Variants in GAS2 observed in about 807,000 individuals in gnomAD.
GAS2 encodes growth arrest specific 2.
A neutral mutation model predicts 37.5 loss-of-function variants in GAS2; 20 were observed. The observed-to-expected ratio is 0.53, with a 90% CI of 0.37 to 0.77. The LOEUF is 0.77. GAS2 is among the 30% of genes least tolerant of loss of function. The probability of loss-of-function intolerance (pLI) is 0.00; values close to 1 mark genes in which losing one functional copy is unlikely to be tolerated. For missense variants in GAS2, 336 were observed against 373.4 expected (o/e 0.90, Z 0.82); for synonymous variants, 144 against 132.2 (o/e 1.09, Z -0.61).
chr11:22,773,539 G>A (rs1159123954), intron 7 of GAS2, among the ~76,000 whole-genome samples: 3 of 151,502 alleles, frequency 2.0e-5, no homozygotes, highest in South Asian at 2.1e-4. Flanking sequence ...GACTGCAGGC[G>A]CCCGCCACCA....
At chr11:22,811,632 G>A (rs956537484) in intron 7 of GAS2, among the ~76,000 whole-genome samples, 166 bp from the exon 8 acceptor site, 1 of 152,010 alleles carries the variant, frequency 6.6e-6, no homozygotes, top group African/African-American at 2.4e-5. Flanking sequence ...AAAAAAACAG[G>A]ACTTCTTTCA....
intron 3 of GAS2, among the ~76,000 whole-genome samples, chr11:22,688,718 A>G (rs1169350354): frequency 6.6e-6 from 1 of 152,196 alleles, no homozygotes; most frequent in African/African-American, 2.4e-5. Context: ...TTAACTGAAT[A>G]TAAAGCTAAA....
At chr11:22,646,084 C>T (rs1445960325) in intron 1 of GAS2, among the ~76,000 whole-genome samples, 1 of 152,030 alleles carries the variant, frequency 6.6e-6, no homozygotes, top group East Asian at 1.9e-4. Context: ...CTCAGGTAAT[C>T]CAACTGTCTC....
intron 6 of GAS2, among the ~76,000 whole-genome samples, chr11:22,749,858 A>G (rs1402053033): frequency 6.6e-6 from 1 of 152,066 alleles, no homozygotes; most frequent in African/African-American, 2.4e-5. Flanking sequence ...AAATGTTTTA[A>G]CAGAATCACA....
At chr11:22,782,260 C>T (rs917049613) in intron 7 of GAS2, among the ~76,000 whole-genome samples, 6 of 152,074 alleles carry the variant, frequency 3.9e-5, no homozygotes, top group Non-Finnish European at 7.4e-5. Context: ...AGGACAGCCT[C>T]TTAATGATGG....
intron 7 of GAS2, among the ~76,000 whole-genome samples, chr11:22,784,674 C>G (rs1051005433): frequency 1.3e-5 from 2 of 152,104 alleles, no homozygotes; most frequent in Admixed American, 6.6e-5. Flanking sequence ...TGTATATGCT[C>G]CAAGATGACT....
rs12276311 is a variant in GAS2 at position 22,803,079 on chromosome 11, G to A, written c.724-8719G>A. Among the ~76,000 whole-genome samples the A allele has an allele frequency of 2.9e-3, 435 of 152,148 alleles. 2 individuals carry two copies. The highest frequency in any genetic ancestry group is 9.8e-3 in the African/African-American group (407 of 41,518). On this transcript the variant is annotated intron_variant, in intron 7 of 7. Coordinates refer to ENST00000454584, the MANE Select transcript of GAS2 (RefSeq NM_001143830.3). ...TCTCAGAATGTGTTCTCATTGTTAC[G>A]TGTTGCACAACCATTCCTCAATTGA...
chr11:22,779,680 A>T (rs1855451721), intron 7 of GAS2, among the ~76,000 whole-genome samples: 1 of 150,664 alleles, frequency 6.6e-6, no homozygotes. Context: ...CCTGGGCAAC[A>T]AAGAGTGAAA....
At chr11:22,724,947 A>G (rs1852126249) in intron 3 of GAS2, among the ~76,000 whole-genome samples, 1 of 152,010 alleles carries the variant, frequency 6.6e-6, no homozygotes, top group Non-Finnish European at 1.5e-5. Context: ...CTTGTAAATG[A>G]GTTCAACAAT....
At chr11:22,802,206 G>T (rs569846123) in intron 7 of GAS2, among the ~76,000 whole-genome samples, 10 of 152,052 alleles carry the variant, frequency 6.6e-5, no homozygotes, top group African/African-American at 2.4e-4. Context: ...ACTATCACAA[G>T]GACAGAAAAC....
chr11:22,742,299 G>C (rs1053778268), intron 5 of GAS2, among the ~76,000 whole-genome samples: 18 of 152,186 alleles, frequency 1.2e-4, no homozygotes, highest in African/African-American at 3.4e-4. Context: ...AAATCTTGTG[G>C]TTGGAAGGGA....
At chr11:22,728,138 A>G (rs1017599682) in intron 4 of GAS2, among the ~76,000 whole-genome samples, 2 of 152,008 alleles carry the variant, frequency 1.3e-5, no homozygotes, top group Non-Finnish European at 2.9e-5. Flanking sequence ...AGTGATTACT[A>G]TAGGATAAAT....
intron 3 of GAS2, among the ~76,000 whole-genome samples, chr11:22,694,445 A>C (rs911476930): frequency 6.6e-6 from 1 of 152,122 alleles, no homozygotes; most frequent in Admixed American, 6.6e-5. Context: ...TCACCTTAAA[A>C]ATTTTTGGAG....
chr11:22,778,288 G>A (rs982639850), intron 7 of GAS2, among the ~76,000 whole-genome samples: 7 of 152,134 alleles, frequency 4.6e-5, no homozygotes, highest in Non-Finnish European at 1.0e-4. Flanking sequence ...TCATTCAGCC[G>A]ATATTCCATA....
chr11:22,810,717 T>C (rs976321961), intron 7 of GAS2, among the ~76,000 whole-genome samples: 6 of 152,112 alleles, frequency 3.9e-5, no homozygotes, highest in African/African-American at 7.2e-5. Context: ...TACAGGCATA[T>C]AGAAAGCAGG....
chr11:22,682,887 G>GAAAAAAAA (rs1849756324), intron 2 of GAS2, among the ~76,000 whole-genome samples: 2 of 73,660 alleles, frequency 2.7e-5, no homozygotes, highest in Admixed American at 1.3e-4. Flanking sequence ...AAAAAAAAAA[G>GAAAAAAAA]GAAAAAAAAA....
intron 3 of GAS2, among the ~76,000 whole-genome samples, chr11:22,711,458 C>T (rs527242946): frequency 1.7e-4 from 26 of 152,278 alleles, no homozygotes; most frequent in Middle Eastern, 3.4e-3. Flanking sequence ...ATAATTTCGA[C>T]TGAGCACAAA....
At chr11:22,766,091 A>T (rs183701854) in intron 7 of GAS2, among the ~76,000 whole-genome samples, 107 of 152,304 alleles carry the variant, frequency 7.0e-4, no homozygotes, top group African/African-American at 2.3e-3. Flanking sequence ...CATCATCCAA[A>T]CACCTCCCAC....
intron 7 of GAS2, among the ~76,000 whole-genome samples, chr11:22,786,486 C>T (rs1039049761): frequency 6.6e-6 from 1 of 152,058 alleles, no homozygotes; most frequent in Non-Finnish European, 1.5e-5. Flanking sequence ...TATCACTGTC[C>T]ACTATGCAAG....
Sources: allele counts gnomAD v4.1 joint callset (sites outside exome capture counted in the v4.1 genomes callset), GRCh38; gene constraint gnomAD v4.1.1; transcripts MANE v1.5; gene names NCBI Gene and HGNC (gene_info 2026-07-23, HGNC 2026-07-21).